The following TIAM1 variants were observed in gnomAD, a reference collection of about 807,000 sequenced individuals.
TIAM1 encodes rho guanine nucleotide exchange factor TIAM1.
TIAM1 carries 65 observed loss-of-function variants against 163.5 expected under a neutral mutation model. The ratio of observed to expected loss-of-function variants is 0.40; its 90% confidence interval spans 0.33 to 0.49. The LOEUF (loss-of-function observed/expected upper bound fraction) is 0.49, where lower values mean the gene tolerates loss of function less well. Among genes scored for constraint, TIAM1 ranks in the 20% least tolerant of loss-of-function variants. The pLI, the probability that TIAM1 is intolerant of heterozygous loss-of-function variation, is 0.77. For synonymous variants in TIAM1, 833 were observed against 810.1 expected (o/e 1.03, Z -0.48); for missense variants, 1,789 against 2,044.7 (o/e 0.87, Z 2.41).
intron 1 of TIAM1, among the ~76,000 whole-genome samples, chr21:31,506,661 T>G (rs2047038667): frequency 6.6e-6 from 1 of 152,268 alleles, no homozygotes; most frequent in African/African-American, 2.4e-5. Context: ...CTCATGCCTG[T>G]AATCCCAGCA....
At chr21:31,328,591 G>A (rs914390058) in intron 2 of TIAM1, among the ~76,000 whole-genome samples, 2 of 151,582 alleles carry the variant, frequency 1.3e-5, no homozygotes, top group African/African-American at 4.8e-5. Context: ...TGTGCAGAAC[G>A]TGCAGGTTGG....
chr21:31,489,404 G>A (rs1280882868), intron 1 of TIAM1, among the ~76,000 whole-genome samples: 1 of 97,002 alleles, frequency 1.0e-5, no homozygotes, highest in Non-Finnish European at 2.0e-5. Flanking sequence ...GAGGGGAGGG[G>A]GAGGGAAGAA....
At chr21:31,398,377 C>T (rs1187696248) in intron 2 of TIAM1, among the ~76,000 whole-genome samples, 5 of 152,164 alleles carry the variant, frequency 3.3e-5, no homozygotes, top group Non-Finnish European at 7.3e-5. Context: ...TTTTCCCACA[C>T]AGTGGTAATG....
chr21:31,293,780 G>C (rs2074122005), intron 2 of TIAM1, among the ~76,000 whole-genome samples: 1 of 152,156 alleles, frequency 6.6e-6, no homozygotes, highest in East Asian at 1.9e-4. Flanking sequence ...CCAAGCTTTT[G>C]TCTCTTGGTA....
intron 16 of TIAM1, chr21:31,160,459 G>C (rs559867904): frequency 2.1e-4 from 83 of 398,620 alleles, no homozygotes; most frequent in Middle Eastern, 1.9e-3. Flanking sequence ...TGAAGTGTTC[G>C]ATACATAGAG....
intron 2 of TIAM1, among the ~76,000 whole-genome samples, chr21:31,398,736 T>C (rs2077114687): frequency 6.6e-6 from 1 of 152,256 alleles, no homozygotes; most frequent in Admixed American, 6.5e-5. Flanking sequence ...CAGGCTTCCG[T>C]CTGTGCCTGG....
At chr21:31,293,831 A>G (rs537284689) in intron 2 of TIAM1, among the ~76,000 whole-genome samples, 1 of 152,326 alleles carries the variant, frequency 6.6e-6, no homozygotes, top group Admixed American at 6.5e-5. Flanking sequence ...TTATTTCAAC[A>G]TGGAAAACTG....
In TIAM1 at chr21:31,120,953, C is replaced by CCGTT; in HGVS notation, c.4307-117_4307-116insAACG. 1 of 945,004 alleles carries CCGTT rather than the reference C, an allele frequency of 1.1e-6. No homozygotes were observed. The highest frequency in any genetic ancestry group is 1.5e-6 in the Non-Finnish European group (1 of 649,760). 58.5% of individuals were successfully genotyped at this position (945,004 alleles called of 1,614,324 possible). A position where few individuals can be genotyped will look rare whatever the true frequency, so the allele number is the denominator to read the frequency against. On this transcript the variant is annotated intron_variant, in intron 27 of 27. Coordinates refer to ENST00000541036, the MANE Select transcript of TIAM1 (RefSeq NM_001353694.2). This position sits in a 1 kb window ranked among gnomAD's most constrained non-coding sequence, Gnocchi z 4.2. ...AACCAAAACGGTATGCATTGAATGC[C>CCGTT]TTGATGTCTTTTGGGGCTTAAAGTC...
chr21:31,279,820 G>A (rs2073464913), intron 2 of TIAM1, among the ~76,000 whole-genome samples: 1 of 152,150 alleles, frequency 6.6e-6, no homozygotes, highest in Non-Finnish European at 1.5e-5. Context: ...ATGTGCTACA[G>A]AATGGGCCAG....
chr21:31,149,162 A>G (rs946083261), intron 19 of TIAM1, among the ~76,000 whole-genome samples: 4 of 152,188 alleles, frequency 2.6e-5, no homozygotes, highest in African/African-American at 7.2e-5. Context: ...ATAAACAGCA[A>G]AGTGAAGGTA....
intron 2 of TIAM1, among the ~76,000 whole-genome samples, chr21:31,331,513 A>G (rs1018853061): frequency 2.0e-5 from 3 of 152,198 alleles, no homozygotes; most frequent in African/African-American, 4.8e-5. Context: ...ATCCAAATGC[A>G]TTCCTGGTAG....
chr21:31,524,450 C>A (rs1007056789), intron 1 of TIAM1, among the ~76,000 whole-genome samples: 1 of 152,140 alleles, frequency 6.6e-6, no homozygotes, highest in Non-Finnish European at 1.5e-5. Context: ...CCTCCAACAC[C>A]GGGAGTTAAT....
At chr21:31,512,043 C>A (rs1484263303) in intron 1 of TIAM1, among the ~76,000 whole-genome samples, 1 of 152,148 alleles carries the variant, frequency 6.6e-6, no homozygotes, top group Non-Finnish European at 1.5e-5. Flanking sequence ...AAGACATTTA[C>A]CTAAGCTGCC....
intron 19 of TIAM1, among the ~76,000 whole-genome samples, chr21:31,147,211 C>G (rs1404905305): frequency 4.6e-5 from 7 of 152,144 alleles, no homozygotes; most frequent in Admixed American, 3.9e-4. Context: ...AGGTGTTGGA[C>G]TTTTTGTCTT....
chr21:31,551,359 G>A (rs1236767430), intron 1 of TIAM1, among the ~76,000 whole-genome samples: 3 of 150,798 alleles, frequency 2.0e-5, no homozygotes, highest in Admixed American at 6.6e-5. Flanking sequence ...GCACCAAGCC[G>A]CGATCATGCC....
intron 2 of TIAM1, among the ~76,000 whole-genome samples, chr21:31,415,858 T>C (rs1226920195): frequency 1.3e-5 from 2 of 152,154 alleles, no homozygotes; most frequent in African/African-American, 2.4e-5. Flanking sequence ...GTCTCCTCCA[T>C]GTCTCTGTCT....
At chr21:31,303,936 C>T (rs1370531413) in intron 2 of TIAM1, among the ~76,000 whole-genome samples, 1 of 152,124 alleles carries the variant, frequency 6.6e-6, no homozygotes, top group Admixed American at 6.5e-5. Context: ...CGAGATCGCA[C>T]TACTGCACTC....
intron 2 of TIAM1, among the ~76,000 whole-genome samples, chr21:31,388,150 A>G (rs1177196289): frequency 2.0e-5 from 3 of 151,566 alleles, no homozygotes; most frequent in African/African-American, 7.3e-5. Flanking sequence ...AGCCAATTAA[A>G]GCCCTTTTCT....
chr21:31,184,836 C>T (rs1216645924), intron 14 of TIAM1, among the ~76,000 whole-genome samples: 1 of 152,176 alleles, frequency 6.6e-6, no homozygotes, highest in Non-Finnish European at 1.5e-5. Context: ...CTGTGACAGT[C>T]AGCAGCAGAT....
Sources: gnomAD v4.1 joint callset for allele counts (sites outside exome capture counted in the v4.1 genomes callset) on GRCh38, gnomAD v4.1.1 for gene constraint, Gnocchi (gnomAD v3.1) non-coding constraint, MANE v1.5 for transcripts, NCBI Gene and HGNC (gene_info 2026-07-23, HGNC 2026-07-21) for gene names.